The following NEGR1 variants were observed in gnomAD, a reference collection of about 807,000 sequenced individuals.
The protein encoded by NEGR1 is IgLON family member 4.
A neutral mutation model predicts 40.9 loss-of-function variants in NEGR1; 10 were observed. The observed-to-expected ratio is 0.24, with a 90% CI of 0.15 to 0.42. The LOEUF is 0.42. Among genes scored for constraint, NEGR1 ranks in the 10% least tolerant of loss-of-function variants. NEGR1 has a pLI of 1.00. For missense variants in NEGR1, 352 were observed against 438.9 expected (o/e 0.80, Z 1.77); for synonymous variants, 185 against 166.8 (o/e 1.11, Z -0.84).
At chr1:71,606,943 A>G (rs1186481666) in intron 5 of NEGR1, among the ~76,000 whole-genome samples, 1 of 152,052 alleles carries the variant, frequency 6.6e-6, no homozygotes, top group Non-Finnish European at 1.5e-5. Flanking sequence ...GTTTGTGTTT[A>G]TTTGTTTATG....
chr1:72,150,934 G>T (rs547506609), intron 1 of NEGR1, among the ~76,000 whole-genome samples: 2 of 151,858 alleles, frequency 1.3e-5, no homozygotes, highest in Admixed American at 1.3e-4. Flanking sequence ...GCTTGTTTTA[G>T]GTAATGGCCC....
At chr1:71,492,341 C>A (rs1043780489) in intron 6 of NEGR1, among the ~76,000 whole-genome samples, 3 of 151,868 alleles carry the variant, frequency 2.0e-5, no homozygotes, top group African/African-American at 7.3e-5. Flanking sequence ...AACTTCTGAA[C>A]CATTTATAAT....
chr1:71,801,226 G>GT (rs1557657371), intron 2 of NEGR1, among the ~76,000 whole-genome samples: 2 of 152,144 alleles, frequency 1.3e-5, no homozygotes, highest in Admixed American at 6.6e-5. Context: ...AGCTCTGATG[G>GT]TTTTTTCCTC....
chr1:72,133,437 A>AAG (rs1650330927), intron 1 of NEGR1, among the ~76,000 whole-genome samples: 1 of 152,040 alleles, frequency 6.6e-6, no homozygotes, highest in Admixed American at 6.5e-5. Context: ...AAATAGGAAA[A>AAG]ACTATTTTGT....
In NEGR1 at chr1:72,227,066, C is replaced by T. The variant is rs1341543997; in HGVS notation, c.176+55253G>A. ...TATCCACAATCTAAATGAGAAAGTG[C>T]CATTGGAAAAATATGGACTTTGGAA... is the stretch of plus-strand genomic sequence containing the variant. On this transcript the variant is annotated intron_variant, in intron 1 of 6. Coordinates refer to ENST00000357731, the MANE Select transcript of NEGR1 (RefSeq NM_173808.3). Among the ~76,000 whole-genome samples the T allele has an allele frequency of 6.6e-5, 10 of 152,036 alleles. No individual in the cohort carries two copies. In the South Asian group the frequency reaches 2.1e-3, roughly 32 times the overall value.
Position 71,497,775 on chromosome 1 carries a change from A to C in NEGR1, c.941-90205T>G, listed in dbSNP as rs180723223. ...AGGAAAAGATGATGAGATATAGAACAAACAATTATTTCAGGTAAAATAAAA... is the reference window on the plus strand; with the variant it reads ...AGGAAAAGATGATGAGATATAGAACCAACAATTATTTCAGGTAAAATAAAA... On this transcript the variant is annotated intron_variant, in intron 6 of 6. Coordinates refer to ENST00000357731, the MANE Select transcript of NEGR1 (RefSeq NM_173808.3). 1.5e-3 allele frequency among the ~76,000 whole-genome samples: 223 copies of C among 152,178 alleles called. 1 individual carries two copies. Among genetic ancestry groups the C allele is most frequent in the African/African-American group, 5.0e-3 (209 of 41,496 alleles).
At chr1:71,980,140 T>C (rs1469374993) in intron 1 of NEGR1, among the ~76,000 whole-genome samples, 2 of 152,002 alleles carry the variant, frequency 1.3e-5, no homozygotes, top group African/African-American at 2.4e-5. Context: ...CAGACAGAAA[T>C]AGCCACAAGA....
chr1:71,730,569 T>TA (rs1553161610), intron 3 of NEGR1, among the ~76,000 whole-genome samples: 1 of 134,726 alleles, frequency 7.4e-6, no homozygotes, highest in Non-Finnish European at 1.6e-5. Context: ...TAGTATAAAT[T>TA]TATATATATA....
chr1:71,511,465 C>A (rs973324750), intron 6 of NEGR1, among the ~76,000 whole-genome samples: 2 of 152,130 alleles, frequency 1.3e-5, no homozygotes, highest in African/African-American at 4.8e-5. Flanking sequence ...TCTTCTAAAG[C>A]CTTTGTTTCA....
At chr1:71,762,654 C>A (rs940831745) in intron 3 of NEGR1, among the ~76,000 whole-genome samples, 2 of 152,070 alleles carry the variant, frequency 1.3e-5, no homozygotes, top group African/African-American at 4.8e-5. Flanking sequence ...TGGGAAAGAT[C>A]TCAAGGACAC....
At chr1:72,136,103 A>G (rs1557544702) in intron 1 of NEGR1, among the ~76,000 whole-genome samples, 6 of 152,192 alleles carry the variant, frequency 3.9e-5, no homozygotes, top group African/African-American at 1.2e-4. Flanking sequence ...CACACTGTCT[A>G]ACATTCATTC....
chr1:71,498,841 G>C (rs1367726664), intron 6 of NEGR1, among the ~76,000 whole-genome samples: 1 of 152,090 alleles, frequency 6.6e-6, no homozygotes, highest in African/African-American at 2.4e-5. Context: ...TCACTATAGG[G>C]AATATATTCA....
intron 6 of NEGR1, among the ~76,000 whole-genome samples, chr1:71,575,891 T>C (rs1016240915): frequency 6.6e-6 from 1 of 152,240 alleles, no homozygotes; most frequent in South Asian, 2.1e-4. Context: ...GGAAGGCTAC[T>C]AGGTTTTTGA....
At chr1:72,165,117 A>C (rs1050405541) in intron 1 of NEGR1, among the ~76,000 whole-genome samples, 1 of 152,058 alleles carries the variant, frequency 6.6e-6, no homozygotes, top group Non-Finnish European at 1.5e-5. Context: ...TTATCAGAAC[A>C]ATATCTGTGT....
At chr1:72,239,043 T>A (rs953145342) in intron 1 of NEGR1, among the ~76,000 whole-genome samples, 1 of 151,856 alleles carries the variant, frequency 6.6e-6, no homozygotes, top group Non-Finnish European at 1.5e-5. Context: ...TTCCAAACTA[T>A]TGAGAGATAT....
intron 1 of NEGR1, among the ~76,000 whole-genome samples, chr1:72,142,081 GT>G (rs1650698713): frequency 6.6e-6 from 1 of 151,910 alleles, no homozygotes; most frequent in Admixed American, 6.6e-5. Flanking sequence ...AAGCATCTCC[GT>G]ATCAGAGAAT....
At chr1:72,091,798 C>T (rs907872027) in intron 1 of NEGR1, among the ~76,000 whole-genome samples, 1 of 152,138 alleles carries the variant, frequency 6.6e-6, no homozygotes, top group Non-Finnish European at 1.5e-5. Context: ...GCCCTGGACA[C>T]ACAGAAGTCC....
intron 1 of NEGR1, among the ~76,000 whole-genome samples, chr1:72,214,984 C>A (rs995260325): frequency 1.3e-5 from 2 of 151,870 alleles, no homozygotes; most frequent in Non-Finnish European, 2.9e-5. Context: ...GTTACAGTAA[C>A]CAAAACAGCA....
intron 1 of NEGR1, among the ~76,000 whole-genome samples, chr1:72,222,001 G>T (rs908732437): frequency 6.6e-6 from 1 of 151,758 alleles, no homozygotes; most frequent in Non-Finnish European, 1.5e-5. Flanking sequence ...GGACCCAGTG[G>T]CCCCAGTCTC....
Sources: allele counts gnomAD v4.1 joint callset (sites outside exome capture counted in the v4.1 genomes callset), GRCh38; gene constraint gnomAD v4.1.1; transcripts MANE v1.5; gene names NCBI Gene and HGNC (gene_info 2026-07-23, HGNC 2026-07-21).